Variants in HSPG2 observed in about 807,000 individuals in gnomAD.
The protein encoded by HSPG2 is heparan sulfate proteoglycan 2.
Under a neutral mutation model 526.6 loss-of-function variants are expected in HSPG2, and 278 were observed. The ratio of observed to expected loss-of-function variants is 0.53; its 90% CI spans 0.48 to 0.58. HSPG2 has a LOEUF of 0.58. HSPG2 is among the 20% of genes least tolerant of loss of function. The pLI is 0.00. For missense variants in HSPG2, 5,354 were observed against 6,099.5 expected, an observed-to-expected ratio of 0.88 and a Z score of 4.07; for synonymous variants, 2,465 against 2,555.4, an observed-to-expected ratio of 0.96 and a Z score of 1.07.
Position 21,854,971 on chromosome 1 carries a change from G to C in HSPG2, c.6010C>G (p.Arg2004Gly). The change falls in exon 48 of 97, where the codon CGC becomes GGC. Residue 2004 changes from arginine (R) to glycine (G), a missense_variant. By Grantham distance (125) the Arg-to-Gly change is moderately radical (BLOSUM62 -2). Coordinates refer to ENST00000374695, the MANE Select transcript of HSPG2 (RefSeq NM_005529.7). ...ATGAGCAGTGTCGCGATGTCTGTGCGCTCTGACCGGGCCTGCCGTGGGTGA... is the reference window on the plus strand; with the variant it reads ...ATGAGCAGTGTCGCGATGTCTGTGCCCTCTGACCGGGCCTGCCGTGGGTGA... ...GSLPPQARSE[R>G]TDIATLLIPA... 1 of 1,613,046 alleles carries C rather than the reference G, an allele frequency of 6.2e-7. No individual in the cohort carries two copies. The highest frequency in any genetic ancestry group is 8.5e-7 in the Non-Finnish European group (1 of 1,180,020).
chr1:21,838,849 C>A lies in HSPG2; in HGVS notation c.10126G>T (p.Ala3376Ser), dbSNP rs1424200749. The change falls in exon 74 of 97, where the codon GCC becomes TCC. Residue 3376 changes from alanine (A) to serine (S), a missense_variant. By Grantham distance (99) the Ala-to-Ser change is moderately conservative. Transcript: ENST00000374695. ...RVTNKVGSAEAFAQLLVQGPP... is the reference protein window; with the variant it reads ...RVTNKVGSAESFAQLLVQGPP... ...CCTTGGACGAGCAGCTGGGCAAAGG[C>A]CTCGGCTGAGCCCACCTTGTTGGTG... 3.7e-6 allele frequency: 6 copies of A among 1,612,348 alleles called. No homozygotes were observed. The highest frequency in any genetic ancestry group is 5.1e-6 in the Non-Finnish European group (6 of 1,179,712).
chr1:21,889,277 G>A (rs927191502), intron 6 of HSPG2, among the ~76,000 whole-genome samples: 10 of 152,056 alleles, frequency 6.6e-5, no homozygotes, highest in African/African-American at 9.7e-5. Context: ...AGGGCTGTTC[G>A]GTCTAGAGAA....
Position 21,893,069 on chromosome 1 carries a change from G to A in HSPG2, c.245-2375C>T, listed in dbSNP as rs758686443. Among the ~76,000 whole-genome samples, 1 of 152,054 alleles carries A rather than the reference G, an allele frequency of 6.6e-6. No homozygotes were observed. The highest frequency in any genetic ancestry group is 6.5e-5 in the Admixed American group (1 of 15,274). ...GCTGCCCTGCACTCAGGGTAGAAGT[G>A]GGGGCTGCACACCTGACTAGCCCTG... On this transcript the variant is annotated intron_variant, in intron 3 of 96. Transcript: ENST00000374695. This position sits in a 1 kb window ranked among gnomAD's most constrained non-coding sequence, Gnocchi z 4.3.
At chr1:21,868,794 C>T (rs1277518531) in intron 33 of HSPG2, 1 of 255,796 alleles carries the variant, frequency 3.9e-6, no homozygotes, top group Non-Finnish European at 6.1e-6. Context: ...GCCTCGGTCT[C>T]CCCATTTGTG....
chr1:21,848,162 T>A lies in HSPG2; in HGVS notation c.7738-69A>T. The A allele has an allele frequency of 6.6e-7, 1 of 1,522,474 alleles. No individual in the cohort carries two copies. Among genetic ancestry groups the A allele is most frequent in the Non-Finnish European group, 8.8e-7 (1 of 1,130,830 alleles). The allele number at this position is 1,522,474 out of a possible 1,614,324, so 94.3% of individuals were successfully genotyped here. On this transcript the variant is annotated intron_variant, in intron 59 of 96. Transcript: ENST00000374695. The surrounding 1 kb of genome is among the most constrained non-coding windows in gnomAD (Gnocchi z 4.9). The stretch of plus-strand genomic sequence containing the variant: ...AGCTCCTCCACATCTTGGGCACTGC[T>A]GCCGCTGCCCCTGGACTCTGGGGGC...
In HSPG2 at chr1:21,836,970, G is replaced by A. The variant is rs200225298; in HGVS notation, c.10187C>T (p.Ala3396Val). The A allele has an allele frequency of 5.6e-4, 878 of 1,554,222 alleles. 4 individuals carry two copies. The highest frequency in any genetic ancestry group is 5.3e-3 in the Middle Eastern group (32 of 6,014). Residue 3396 changes from alanine to valine, a missense_variant, in exon 75 of 97, where the codon GCA becomes GTA. Ala to Val is a moderately conservative substitution (Grantham distance 64). Coordinates refer to ENST00000374695, the MANE Select transcript of HSPG2 (RefSeq NM_005529.7). ...PGSLPATSIPAGSTPTVQVTP... is the reference protein window; with the variant it reads ...PGSLPATSIPVGSTPTVQVTP... ...GACCTGCACGGTGGGCGTGGACCCTGCTGGGATGGAGGTGGCAGGGAGAGA... is the reference window on the plus strand; with the variant it reads ...GACCTGCACGGTGGGCGTGGACCCTACTGGGATGGAGGTGGCAGGGAGAGA...
chr1:21,848,853 C>T lies in HSPG2; in HGVS notation c.7585+40G>A. The T allele has an allele frequency of 6.2e-7, 1 of 1,613,222 alleles. No individual in the cohort carries two copies. Among genetic ancestry groups the T allele is most frequent in the Non-Finnish European group, 8.5e-7 (1 of 1,179,972 alleles). On this transcript the variant is annotated intron_variant, in intron 58 of 96. Transcript: ENST00000374695. The surrounding 1 kb of genome is among the most constrained non-coding windows in gnomAD (Gnocchi z 4.9). ...GCTGCTGAGGGTGCAGTCGGGGTCC[C>T]CCAGCCCTCCACCATTTGCATGACC...
chr1:21,847,833 G>A lies in HSPG2; in HGVS notation c.7881C>T (p.Ser2627=), dbSNP rs142825573. The A allele has an allele frequency of 2.6e-5, 42 of 1,613,922 alleles. No individual in the cohort carries two copies. The highest frequency in any genetic ancestry group is 2.4e-4 in the African/African-American group (18 of 75,040). The change falls in exon 61 of 97, where the codon AGC becomes AGT. Residue 2627 remains serine (S), a synonymous_variant. Transcript: ENST00000374695. The surrounding 1 kb of genome is among the most constrained non-coding windows in gnomAD (Gnocchi z 4.1). ...ACTCGATCCTGATCGGTGGGGAGAC[G>A]CTGGGCACTGGGGACAGACGGGTGT... is the stretch of plus-strand genomic sequence containing the variant. The part of the protein sequence containing the change: ...IQGSGSSHVP[S]VSPPIRIESS...
At chr1:21,929,901 C>T (rs1165193486) in intron 1 of HSPG2, among the ~76,000 whole-genome samples, 1 of 152,206 alleles carries the variant, frequency 6.6e-6, no homozygotes, top group African/African-American at 2.4e-5. Context: ...CATCGTCTGT[C>T]CTGGGTCACG....
chr1:21,839,713 G>A lies in HSPG2; in HGVS notation c.9709+109C>T, dbSNP rs922458142. The A allele has an allele frequency of 4.8e-5, 68 of 1,408,978 alleles. No individual in the cohort carries two copies. In the South Asian group the frequency reaches 6.8e-4, roughly 14 times the overall value. The allele number at this position is 1,408,978 out of a possible 1,614,324, so 87.3% of individuals were successfully genotyped here. A position where few individuals can be genotyped will look rare whatever the true frequency, so the allele number is the denominator to read the frequency against. ...GGGATGCTAGCAACACGGTCTCCCC[G>A]TACTCCCCACCCCTGGGCATGACAT... On this transcript the variant is annotated intron_variant, in intron 72 of 96. Transcript: ENST00000374695. This position sits in a 1 kb window ranked among gnomAD's most constrained non-coding sequence, Gnocchi z 4.5.
In HSPG2 at chr1:21,890,381, T is replaced by C. The variant is rs1642267338; in HGVS notation, c.413+46A>G. 6.3e-7 allele frequency: 1 copy of C among 1,582,236 alleles called. No individual in the cohort carries two copies. Among genetic ancestry groups the C allele is most frequent in the African/African-American group, 1.3e-5 (1 of 74,342 alleles). ...CCCATCCTCATCAGCCCCCTCCAGG[T>C]TACCCGCTCAAGTCCCCCAGCAGCC... On this transcript the variant is annotated intron_variant, in intron 5 of 96. Transcript: ENST00000374695. The surrounding 1 kb of genome is among the most constrained non-coding windows in gnomAD (Gnocchi z 4.1).
intron 1 of HSPG2, among the ~76,000 whole-genome samples, chr1:21,925,334 C>G (rs981230155): frequency 2.0e-5 from 3 of 152,200 alleles, no homozygotes; most frequent in African/African-American, 7.2e-5. Flanking sequence ...AACAACACAA[C>G]GCGGGACCTG....
rs1243043368 is a variant in HSPG2 at position 21,851,808 on chromosome 1, C to T, written c.6989G>A (p.Gly2330Glu). 1 of 1,613,862 alleles carries T rather than the reference C, an allele frequency of 6.2e-7. No homozygotes were observed. Among genetic ancestry groups the T allele is most frequent in the Admixed American group, 1.7e-5 (1 of 60,036 alleles). The part of the protein sequence containing the change: ...SITVTVTGTQ[G>E]ANLAYPAGST... The stretch of plus-strand genomic sequence containing the variant: ...CCACTCACGGTAGGCTAAGTTGGCC[C>T]CCTGGGTCCCAGTTACTGTGACCGT... Residue 2330 changes from glycine (G) to glutamate (E), a missense_variant, in exon 54 of 97, where the codon GGG (glycine) becomes GAG (glutamate). By Grantham distance (98) the Gly-to-Glu change is moderately conservative. Transcript: ENST00000374695.
chr1:21,833,518 C>T lies in HSPG2; in HGVS notation c.10927G>A (p.Ala3643Thr), dbSNP rs201309996. The T allele has an allele frequency of 4.3e-5, 70 of 1,614,046 alleles. No individual in the cohort carries two copies. Among genetic ancestry groups the T allele is most frequent in the Admixed American group, 2.7e-4 (16 of 60,000 alleles). ...TTGACCTTGCCCTGGCGGTTAGTGGCGGTGCAGACGTAGGTACCTGCGTCC... is the reference window on the plus strand; with the variant it reads ...TTGACCTTGCCCTGGCGGTTAGTGGTGGTGCAGACGTAGGTACCTGCGTCC... ...PQDAGTYVCT[A>T]TNRQGKVKAF... The change falls in exon 79 of 97, where the codon GCC (alanine) becomes ACC (threonine). Residue 3643 changes from alanine to threonine, a missense_variant. Transcript: ENST00000374695.
intron 23 of HSPG2, 91 bp from the exon 24 acceptor site, chr1:21,876,133 A>G (rs1378241785): frequency 4.4e-6 from 7 of 1,573,108 alleles, no homozygotes; most frequent in Middle Eastern, 1.7e-4. Flanking sequence ...GTATCTCACT[A>G]TTCTCCCAAG....
At position 21,890,134 on chromosome 1, in the gene HSPG2, C is replaced by A; in HGVS notation, c.421G>T (p.Asp141Tyr). The change falls in exon 6 of 97, where the codon GAT (aspartate) becomes TAT (tyrosine). Residue 141 changes from aspartate (D) to tyrosine (Y), a missense_variant. Asp to Tyr is a radical substitution (Grantham distance 160, BLOSUM62 -3). Transcript: ENST00000374695. The surrounding 1 kb of genome is among the most constrained non-coding windows in gnomAD (Gnocchi z 4.1). ...VVSVVFIKEL[D>Y]GWVFVELDVG... is the part of the protein sequence containing the mutation. ...TCCAGCTCCACAAAAACCCAGCCAT[C>A]CAGCTCCCTGGGGATGGAGACAGGC... 1 of 1,614,028 alleles carries A rather than the reference C, an allele frequency of 6.2e-7. No homozygotes were observed. Among genetic ancestry groups the A allele is most frequent in the Non-Finnish European group, 8.5e-7 (1 of 1,179,972 alleles).
chr1:21,888,442 T>G (rs1642105513), intron 6 of HSPG2, among the ~76,000 whole-genome samples: 3 of 152,228 alleles, frequency 2.0e-5, no homozygotes, highest in Admixed American at 2.0e-4. Context: ...CCTTCTTTCC[T>G]CTCCATCCTT....
rs776956745 is a variant in HSPG2, at chr1:21,831,640, G to A, written c.11352+12C>T. 1.9e-6 allele frequency: 3 copies of A among 1,610,260 alleles called. No individual in the cohort carries two copies. Among genetic ancestry groups the A allele is most frequent in the East Asian group, 4.5e-5 (2 of 44,782 alleles). ...TGAGGGCTGGAAGTAGCAGTATGGG[G>A]TTGGGTCTCACCTGGGAGGTCCCAT... On this transcript the variant is annotated intron_variant, in intron 82 of 96. Coordinates refer to ENST00000374695, the MANE Select transcript of HSPG2 (RefSeq NM_005529.7).
At chr1:21,831,914 C>A (rs930748107) in intron 81 of HSPG2, 118 bp from the exon 82 acceptor site, 32 of 1,111,898 alleles carry the variant, frequency 2.9e-5, no homozygotes, top group Admixed American at 2.8e-5. Flanking sequence ...CCTGCAGTCC[C>A]AGCCCTGGGG....
Sources: gnomAD v4.1 joint callset for allele counts (sites outside exome capture counted in the v4.1 genomes callset) on GRCh38, gnomAD v4.1.1 for gene constraint, Gnocchi (gnomAD v3.1) non-coding constraint, MANE v1.5 for transcripts, NCBI Gene and HGNC (gene_info 2026-07-23, HGNC 2026-07-21) for gene names.